PDE3B: variants seen among roughly 807,000 people sequenced by gnomAD.
PDE3B encodes the protein cGMP-inhibited 3',5'-cyclic phosphodiesterase 3B.
Under a neutral mutation model 116.8 loss-of-function variants are expected in PDE3B, and 66 were observed. That is an observed-to-expected ratio of 0.56 (90% CI 0.46 to 0.69). The LOEUF is 0.69. Among genes scored for constraint, PDE3B ranks in the 30% least tolerant of loss-of-function variants. The probability of loss-of-function intolerance (pLI) is 0.00; values close to 1 mark genes in which losing one functional copy is unlikely to be tolerated. For synonymous variants in PDE3B, 595 were observed against 533.6 expected, an observed-to-expected ratio of 1.12 and a Z score of -1.59; for missense variants, 1,384 against 1,368.1, an observed-to-expected ratio of 1.01 and a Z score of -0.18.
At chr11:14,892,649 C>G in the PDE3B span, among the ~76,000 whole-genome samples, 95 of 152,320 alleles carry the variant, frequency 6.2e-4, 1 homozygote, top group East Asian at 0.015. Context: ...CAGTCTTTAG[C>G]TGAACCTGAT....
chr11:14,683,111 T>C (rs1050391720), intron 1 of PDE3B, among the ~76,000 whole-genome samples: 1 of 152,044 alleles, frequency 6.6e-6, no homozygotes, highest in Non-Finnish European at 1.5e-5. Flanking sequence ...CTAATTTTTT[T>C]CTGTTTTTAG....
chr11:14,777,242 C>G (rs2133903996), intron 2 of PDE3B, among the ~76,000 whole-genome samples: 1 of 152,160 alleles, frequency 6.6e-6, no homozygotes, highest in African/African-American at 2.4e-5. Context: ...AATCAGCAAG[C>G]CTTAGGGACC....
intron 2 of PDE3B, among the ~76,000 whole-genome samples, chr11:14,779,816 C>T (rs549476378): frequency 1.3e-5 from 2 of 152,216 alleles, no homozygotes; most frequent in South Asian, 4.1e-4. Flanking sequence ...TCACACATAA[C>T]AATATTAACC....
intron 1 of PDE3B, among the ~76,000 whole-genome samples, chr11:14,746,332 C>T (rs1333716324): frequency 6.6e-6 from 1 of 152,116 alleles, no homozygotes; most frequent in African/African-American, 2.4e-5. Flanking sequence ...TTGCAGTGAG[C>T]CGAGATCGCA....
Position 14,687,079 on chromosome 11 carries a change from G to A in PDE3B, c.978+42026G>A, listed in dbSNP as rs184911004. On this transcript the variant is annotated intron_variant, in intron 1 of 15. Coordinates refer to ENST00000282096, the MANE Select transcript of PDE3B (RefSeq NM_000922.4). ...TATTATGTTATATTTATTCGTTTTG[G>A]TAATATGGTTTTATTAAACTTGACG... Among the ~76,000 whole-genome samples the A allele has an allele frequency of 2.0e-5, 3 of 152,034 alleles. No homozygotes were observed. In the South Asian group the frequency reaches 6.2e-4, roughly 32 times the overall value.
intron 1 of PDE3B, among the ~76,000 whole-genome samples, chr11:14,738,222 T>G (rs929926327): frequency 2.0e-5 from 3 of 152,208 alleles, no homozygotes; most frequent in African/African-American, 7.2e-5. Context: ...TGAACTAATT[T>G]ATACTCCCAC....
chr11:14,795,827 A>C (rs1858534669), intron 4 of PDE3B, among the ~76,000 whole-genome samples: 1 of 152,016 alleles, frequency 6.6e-6, no homozygotes, highest in Admixed American at 6.6e-5. Context: ...TATGAGATTT[A>C]ATTTTGTTTG....
In PDE3B at chr11:14,665,400, G is replaced by A. The variant is rs530160048; in HGVS notation, c.978+20347G>A. Among the ~76,000 whole-genome samples, 24 of 152,246 alleles carry A rather than the reference G, an allele frequency of 1.6e-4. No homozygotes were observed. In the South Asian group the frequency reaches 5.0e-3, roughly 32 times the overall value. ...TCTCACCACTCCTATTCCACATACT[G>A]TTGGAAGTTCTAGCCAGGGCAATTA... On this transcript the variant is annotated intron_variant, in intron 1 of 15. Coordinates refer to ENST00000282096, the MANE Select transcript of PDE3B (RefSeq NM_000922.4).
At chr11:14,861,007 A>G (rs985120729) in intron 13 of PDE3B, among the ~76,000 whole-genome samples, 198 bp from the exon 14 acceptor site, 1 of 152,156 alleles carries the variant, frequency 6.6e-6, no homozygotes, top group African/African-American at 2.4e-5. Context: ...TTTGCTAGAA[A>G]GCATTTTTTA....
chr11:14,717,953 C>A (rs1215795447), intron 1 of PDE3B, among the ~76,000 whole-genome samples: 4 of 146,886 alleles, frequency 2.7e-5, no homozygotes, highest in Non-Finnish European at 6.1e-5. Context: ...ACTAAATGCT[C>A]CAATTAAAAG....
rs186221281 is a variant in PDE3B, at chr11:14,670,243, C to A, written c.978+25190C>A. 1.2e-4 allele frequency among the ~76,000 whole-genome samples: 19 copies of A among 152,224 alleles called. No individual in the cohort carries two copies. The East Asian group carries it at 3.7e-3, about 29-fold the overall frequency. On this transcript the variant is annotated intron_variant, in intron 1 of 15. Coordinates refer to ENST00000282096, the MANE Select transcript of PDE3B (RefSeq NM_000922.4). Reference sequence around the variant, plus strand: ...ATGACCTTAGGCAAGTTATCTAATACCGGCTCAGTTTTCTCATTTTCAAAA... The same window carrying A: ...ATGACCTTAGGCAAGTTATCTAATAACGGCTCAGTTTTCTCATTTTCAAAA...
In PDE3B at chr11:14,698,379, G is replaced by A. The variant is rs73412626; in HGVS notation, c.978+53326G>A. Among the ~76,000 whole-genome samples the A allele has an allele frequency of 4.8e-3, 734 of 151,848 alleles. 7 individuals carry two copies. The highest frequency in any genetic ancestry group is 0.017 in the African/African-American group (717 of 41,476). ...AATTTTAATTTCTTTTTAAAGATGGGTCTCACTTCACTGTGCCTGGATATT... is the reference window on the plus strand; with the variant it reads ...AATTTTAATTTCTTTTTAAAGATGGATCTCACTTCACTGTGCCTGGATATT... On this transcript the variant is annotated intron_variant, in intron 1 of 15. Transcript: ENST00000282096.
At chr11:14,736,383 G>C (rs373544746) in intron 1 of PDE3B, among the ~76,000 whole-genome samples, 2 of 152,206 alleles carry the variant, frequency 1.3e-5, no homozygotes, top group African/African-American at 4.8e-5. Context: ...GCCCTGGTGC[G>C]TGGGGCACAT....
At chr11:14,755,902 T>C (rs1044513983) in intron 1 of PDE3B, among the ~76,000 whole-genome samples, 2 of 152,194 alleles carry the variant, frequency 1.3e-5, no homozygotes, top group African/African-American at 4.8e-5. Context: ...AGTGAGCTCA[T>C]ACCTATCAAA....
chr11:14,738,304 C>T (rs1350509579), intron 1 of PDE3B, among the ~76,000 whole-genome samples: 3 of 152,136 alleles, frequency 2.0e-5, no homozygotes, highest in Non-Finnish European at 4.4e-5. Context: ...TTTTAGTGAT[C>T]GCCATTCTAA....
intron 7 of PDE3B, 50 bp downstream of exon 7, chr11:14,819,259 A>G (rs202155067): frequency 3.2e-5 from 35 of 1,087,738 alleles, no homozygotes; most frequent in Non-Finnish European, 4.9e-5. Flanking sequence ...AATTTCTTAC[A>G]ATGATTTTTA....
chr11:14,724,691 A>G (rs1002010128), intron 1 of PDE3B, among the ~76,000 whole-genome samples: 1 of 152,202 alleles, frequency 6.6e-6, no homozygotes. Flanking sequence ...CAGAGATAAG[A>G]ATGTTCAAGG....
chr11:14,800,458 C>T (rs1442754621), intron 4 of PDE3B, among the ~76,000 whole-genome samples: 1 of 152,082 alleles, frequency 6.6e-6, no homozygotes, highest in African/African-American at 2.4e-5. Context: ...GAGAGAGACT[C>T]CATCTCAAAA....
rs150407888 is a variant in PDE3B, at chr11:14,763,305, C to A, written c.979-8632C>A. Among the ~76,000 whole-genome samples, 296 of 152,090 alleles carry A rather than the reference C, an allele frequency of 1.9e-3. 2 individuals are homozygous for A. Among genetic ancestry groups the A allele is most frequent in the South Asian group, 7.5e-3 (36 of 4,812 alleles). ...CAGAAGTATGAAGAGTGAGACTTGA[C>A]CATTGGTTTTAACAACATTAGAGAC... is the stretch of plus-strand genomic sequence containing the variant. On this transcript the variant is annotated intron_variant, in intron 1 of 15. Coordinates refer to ENST00000282096, the MANE Select transcript of PDE3B (RefSeq NM_000922.4).
Sources: gnomAD v4.1 joint callset for allele counts (sites outside exome capture counted in the v4.1 genomes callset) on GRCh38, gnomAD v4.1.1 for gene constraint, MANE v1.5 for transcripts, NCBI Gene and HGNC (gene_info 2026-07-23, HGNC 2026-07-21) for gene names.